PLCH1: variants seen among roughly 807,000 people sequenced by gnomAD.
PLCH1 encodes phospholipase C eta 1.
In PLCH1, 60 loss-of-function variants were observed where a neutral mutation model predicts 126.7. The observed-to-expected ratio is 0.47, with a 90% CI of 0.38 to 0.59. The LOEUF (loss-of-function observed/expected upper bound fraction) is 0.59, where lower values mean the gene tolerates loss of function less well. Among genes scored for constraint, PLCH1 ranks in the 20% least tolerant of loss-of-function variants. PLCH1 has a pLI of 0.00. For missense variants in PLCH1, 1,723 were observed against 2,040.0 expected, an observed-to-expected ratio of 0.84 and a Z score of 2.99; for synonymous variants, 719 against 734.9, an observed-to-expected ratio of 0.98 and a Z score of 0.35.
At chr3:155,674,937 AAG>A (rs1743944903) in intron 2 of PLCH1, among the ~76,000 whole-genome samples, 1 of 152,202 alleles carries the variant, frequency 6.6e-6, no homozygotes, top group African/African-American at 2.4e-5. Context: ...CTGCATACAT[AAG>A]AGTTTCCAAA....
At chr3:155,522,079 A>G (rs981009393) in intron 11 of PLCH1, among the ~76,000 whole-genome samples, 6 of 152,214 alleles carry the variant, frequency 3.9e-5, no homozygotes, top group African/African-American at 1.4e-4. Context: ...TTAACTTAGG[A>G]AGTTGGAGAG....
At chr3:155,467,325 G>A (rs147796612) in intron 21 of PLCH1, among the ~76,000 whole-genome samples, 2,560 of 152,164 alleles carry the variant, frequency 0.017, 75 homozygotes, top group African/African-American at 0.059. Context: ...TGTAATCCCA[G>A]CACTTTGGAC....
chr3:155,672,110 C>A (rs1049278825), intron 2 of PLCH1, among the ~76,000 whole-genome samples: 3 of 152,004 alleles, frequency 2.0e-5, no homozygotes, highest in Admixed American at 6.6e-5. Context: ...AATAGAAGGA[C>A]CTAAGAGAAA....
chr3:155,616,193 C>G (rs4083042), intron 2 of PLCH1, among the ~76,000 whole-genome samples: 73,847 of 151,952 alleles, frequency 0.49, 20,329 homozygotes, highest in African/African-American at 0.74. Flanking sequence ...AAATAAAAAT[C>G]ATGCATTTTT....
intron 2 of PLCH1, among the ~76,000 whole-genome samples, chr3:155,638,353 C>T (rs1738979498): frequency 6.6e-6 from 1 of 152,172 alleles, no homozygotes; most frequent in African/African-American, 2.4e-5. Flanking sequence ...AAAAACATAA[C>T]ACCATATACC....
chr3:155,740,931 A>T (rs1577394021), intron 1 of PLCH1, among the ~76,000 whole-genome samples: 1 of 152,208 alleles, frequency 6.6e-6, no homozygotes, highest in East Asian at 1.9e-4. Context: ...GACTATAATA[A>T]GGCATAGGCA....
chr3:155,469,718 G>C (rs1435255844), intron 21 of PLCH1, among the ~76,000 whole-genome samples: 61 of 151,934 alleles, frequency 4.0e-4, no homozygotes, highest in African/African-American at 1.4e-3. Context: ...CCAGCACGCA[G>C]CTGGAGATCT....
At chr3:155,565,663 T>A (rs1196238168) in intron 7 of PLCH1, among the ~76,000 whole-genome samples, 1 of 151,430 alleles carries the variant, frequency 6.6e-6, no homozygotes, top group Non-Finnish European at 1.5e-5. Flanking sequence ...CTCGGGTATT[T>A]CTTTCTTTCT....
Position 155,722,436 on chromosome 3 carries a change from A to AATCC in PLCH1, c.-40-18173_-40-18172insGGAT, listed in dbSNP as rs1748022946. Among the ~76,000 whole-genome samples the AATCC allele has an allele frequency of 2.6e-5, 4 of 152,316 alleles. No individual in the cohort carries two copies. In the South Asian group the frequency reaches 6.2e-4, roughly 24 times the overall value. On this transcript the variant is annotated intron_variant, in intron 1 of 22. Coordinates refer to ENST00000460012, the MANE Select transcript of PLCH1 (RefSeq NM_014996.4). ...CCTGGCCTCCCAAAGTGCTGGGATT[A>AATCC]CAGGCGTGAGCCACTGTGCCTGGCC...
intron 1 of PLCH1, among the ~76,000 whole-genome samples, chr3:155,740,618 AGGAG>A (rs201330861): frequency 0.024 from 3,628 of 152,222 alleles, 161 homozygotes; most frequent in African/African-American, 0.083. Context: ...TGAGAGGCCG[AGGAG>A]GGAGGATCAC....
Position 155,500,708 on chromosome 3 carries a change from C to G in PLCH1, c.1791G>C (p.Leu597=), listed in dbSNP as rs749942155. The G allele has an allele frequency of 4.2e-5, 67 of 1,601,694 alleles. No individual in the cohort carries two copies. Among genetic ancestry groups the G allele is most frequent in the Non-Finnish European group, 5.7e-5 (67 of 1,168,740 alleles). ...ACATGGAGATGCTTTCTTACCTGTACAGCTGGCCACCCTCCTTGCCAGTAC... is the reference window on the plus strand; with the variant it reads ...ACATGGAGATGCTTTCTTACCTGTAGAGCTGGCCACCCTCCTTGCCAGTAC... ...QQSTGKEGGQ[L]YRLGRRRKTM... is the part of the protein sequence containing the mutation. Residue 597 remains leucine (L), a synonymous_variant, in exon 14 of 23, where the codon CTG becomes CTC. Transcript: ENST00000460012.
intron 1 of PLCH1, among the ~76,000 whole-genome samples, chr3:155,712,074 G>A (rs1159264933): frequency 6.6e-6 from 1 of 152,134 alleles, no homozygotes; most frequent in Non-Finnish European, 1.5e-5. Context: ...AAGCCACATT[G>A]AGTTGGGTTT....
chr3:155,485,783 G>T, intron 21 of PLCH1, 73 bp from the exon 22 acceptor site: 1 of 912,764 alleles, frequency 1.1e-6, no homozygotes, highest in Non-Finnish European at 1.6e-6. Context: ...GAAAATGACA[G>T]CTCCATGAAA....
chr3:155,456,203 C>A, intron 21 of PLCH1, among the ~76,000 whole-genome samples: 1 of 152,034 alleles, frequency 6.6e-6, no homozygotes, highest in East Asian at 1.9e-4. Context: ...CCTTCTTTAC[C>A]GTATCCTCCT....
chr3:155,565,101 G>T lies in PLCH1; in HGVS notation c.883C>A (p.Arg295Ser). 1.2e-6 allele frequency: 2 copies of T among 1,613,064 alleles called. No homozygotes were observed. The highest frequency in any genetic ancestry group is 8.5e-7 in the Non-Finnish European group (1 of 1,179,088). Reference protein sequence around the residue: ...LGIEGFTNFMRSPACDIFNPL... With the variant: ...LGIEGFTNFMSSPACDIFNPL... Reference sequence around the variant, plus strand: ...TTAAATATGTCACAGGCAGGACTACGCATGAAGTTCGTGAAGCCTTTGGAA... The same window carrying T: ...TTAAATATGTCACAGGCAGGACTACTCATGAAGTTCGTGAAGCCTTTGGAA... The change falls in exon 8 of 23, where the codon CGT (arginine) becomes AGT (serine). Residue 295 changes from arginine to serine, a missense_variant. Arg to Ser is a moderately radical substitution (Grantham distance 110, BLOSUM62 -1). This residue lies in a region of PLCH1 where 776 missense variants were observed against 1,062.9 expected (regional missense o/e 0.73). Transcript: ENST00000460012.
chr3:155,638,196 T>C (rs895735008), intron 2 of PLCH1, among the ~76,000 whole-genome samples: 12 of 152,240 alleles, frequency 7.9e-5, no homozygotes, highest in Non-Finnish European at 1.8e-4. Flanking sequence ...TCTTCCTCAC[T>C]ACAAGAGAAT....
intron 10 of PLCH1, among the ~76,000 whole-genome samples, chr3:155,527,505 T>C (rs897295218): frequency 1.3e-5 from 2 of 152,192 alleles, no homozygotes; most frequent in African/African-American, 4.8e-5. Flanking sequence ...CTAGTGACAA[T>C]TTCAAAGCTG....
chr3:155,598,326 C>T (rs927927372), intron 2 of PLCH1, among the ~76,000 whole-genome samples: 4 of 152,166 alleles, frequency 2.6e-5, no homozygotes, highest in Admixed American at 6.5e-5. Context: ...ATGAAAGCTA[C>T]ATAGTTGAAT....
chr3:155,564,520 G>A (rs572215397), intron 8 of PLCH1, among the ~76,000 whole-genome samples: 50 of 152,048 alleles, frequency 3.3e-4, no homozygotes, highest in African/African-American at 1.1e-3. Flanking sequence ...AGCCTAGATC[G>A]TGCCACTACA....
Sources: gnomAD v4.1 joint callset for allele counts (sites outside exome capture counted in the v4.1 genomes callset) on GRCh38, gnomAD v4.1.1 for gene constraint, gnomAD v4.1.1 regional missense constraint, MANE v1.5 for transcripts, NCBI Gene and HGNC (gene_info 2026-07-23, HGNC 2026-07-21) for gene names.